The following KDM3A variants were observed in gnomAD, a reference collection of about 807,000 sequenced individuals.
The protein encoded by KDM3A is lysine-specific demethylase 3A.
KDM3A carries 60 observed loss-of-function variants against 158.0 expected under a neutral mutation model. The observed-to-expected ratio is 0.38, with a 90% CI of 0.31 to 0.47. The LOEUF is 0.47. Among genes scored for constraint, KDM3A ranks in the 20% least tolerant of loss-of-function variants. The pLI is 0.99. For missense variants in KDM3A, 1,319 were observed against 1,574.3 expected (o/e 0.84, Z 2.74); for synonymous variants, 608 against 549.3 (o/e 1.11, Z -1.49).
At chr2:86,454,968 G>A in intron 4 of KDM3A, 117 bp from the exon 5 acceptor site, 2 of 587,118 alleles carry the variant, frequency 3.4e-6, no homozygotes, top group Non-Finnish European at 5.9e-6. Flanking sequence ...GCTATCACAT[G>A]GTTTGTTGAC....
intron 11 of KDM3A, among the ~76,000 whole-genome samples, chr2:86,471,117 G>A (rs1673378942): frequency 6.6e-6 from 1 of 152,038 alleles, no homozygotes; most frequent in Admixed American, 6.5e-5. Context: ...CAACTGCAGG[G>A]TTTGAGCATG....
chr2:86,445,384 C>A (rs1450396601), intron 2 of KDM3A, among the ~76,000 whole-genome samples: 1 of 152,194 alleles, frequency 6.6e-6, no homozygotes, highest in African/African-American at 2.4e-5. Context: ...CCTGCTCTTT[C>A]TACTTGAGTA....
intron 8 of KDM3A, among the ~76,000 whole-genome samples, chr2:86,462,589 T>C (rs941085890): frequency 1.3e-5 from 2 of 152,114 alleles, no homozygotes; most frequent in Non-Finnish European, 2.9e-5. Flanking sequence ...TTAACCAAAA[T>C]TGAGTTGACT....
rs779619810 is a variant in KDM3A, at chr2:86,466,631, T to G, written c.1267T>G (p.Ser423Ala). The change falls in exon 10 of 26, where the codon TCT (serine) becomes GCT (alanine). Residue 423 changes from serine to alanine, a missense_variant. Transcript: ENST00000312912. ...LPKECLPTKA[S>A]SKAELEIANP... ...TAAGGAGTGCTTACCTACAAAGGCT[T>G]CTTCTAAGGCAGAATTGGAAATTGC... 2.9e-5 allele frequency: 46 copies of G among 1,613,854 alleles called. No homozygotes were observed. Among genetic ancestry groups the G allele is most frequent in the East Asian group, 1.8e-4 (8 of 44,890 alleles).
At chr2:86,477,796 A>T in intron 12 of KDM3A, 81 bp from the exon 13 acceptor site, 1 of 1,323,394 alleles carries the variant, frequency 7.6e-7, no homozygotes, top group Non-Finnish European at 1.0e-6. Flanking sequence ...ACAGGGAGGA[A>T]TGACAATAAC....
chr2:86,490,559 A>C (rs1336073169), intron 23 of KDM3A: 4 of 187,480 alleles, frequency 2.1e-5, no homozygotes, highest in Non-Finnish European at 4.4e-5. Flanking sequence ...AATAACTTTA[A>C]AACAAGTTCA....
chr2:86,469,263 C>G (rs1275757493), intron 10 of KDM3A, among the ~76,000 whole-genome samples: 1 of 152,122 alleles, frequency 6.6e-6, no homozygotes, highest in Non-Finnish European at 1.5e-5. Flanking sequence ...TTCCAATTTT[C>G]TCCAAGACTC....
intron 8 of KDM3A, among the ~76,000 whole-genome samples, chr2:86,463,290 A>G (rs566244447): frequency 1.3e-5 from 2 of 152,276 alleles, no homozygotes; most frequent in South Asian, 2.1e-4. Flanking sequence ...AGCCTGGTGA[A>G]ATGGGTGAAT....
intron 19 of KDM3A, 126 bp downstream of exon 19, chr2:86,484,284 G>T (rs1382919621): frequency 4.1e-6 from 3 of 730,314 alleles, no homozygotes; most frequent in Non-Finnish European, 6.8e-6. Flanking sequence ...TAAAATTAAC[G>T]TCTCTCCTCC....
intron 2 of KDM3A, chr2:86,443,104 T>G (rs181263235): frequency 1.3e-5 from 2 of 152,298 alleles, no homozygotes; most frequent in East Asian, 1.9e-4. Context: ...GACTCCTTTG[T>G]GCGAAAATAA....
At chr2:86,479,203 T>C (rs1673807170) in intron 15 of KDM3A, 1 of 153,898 alleles carries the variant, frequency 6.5e-6, no homozygotes, top group Non-Finnish European at 1.4e-5. Context: ...GTTAATTTTC[T>C]CAGTCCTCAT....
chr2:86,485,779 A>G lies in KDM3A; in HGVS notation c.3233A>G (p.Asp1078Gly). The G allele has an allele frequency of 6.2e-7, 1 of 1,614,144 alleles. No individual in the cohort carries two copies. The highest frequency in any genetic ancestry group is 8.5e-7 in the Non-Finnish European group (1 of 1,179,992). The stretch of plus-strand genomic sequence containing the variant: ...CCACTGCCCGAGTACACAAGGCGAG[A>G]TGGCAAACTGAATTTGGCCTCTAGG... ...NIPLPEYTRR[D>G]GKLNLASRLP... The change falls in exon 21 of 26, where the codon GAT (aspartate) becomes GGT (glycine). Residue 1078 changes from aspartate to glycine, a missense_variant. Coordinates refer to ENST00000312912, the MANE Select transcript of KDM3A (RefSeq NM_018433.6).
chr2:86,452,891 T>TA (rs1357152597), intron 4 of KDM3A, among the ~76,000 whole-genome samples: 2 of 152,202 alleles, frequency 1.3e-5, no homozygotes, highest in African/African-American at 4.8e-5. Context: ...TGCTTTCACT[T>TA]AGTTAATTTC....
chr2:86,489,039 T>A (rs1431346467), intron 21 of KDM3A: 2 of 335,260 alleles, frequency 6.0e-6, no homozygotes, highest in African/African-American at 4.3e-5. Flanking sequence ...AATCAAAGCC[T>A]GAGCTCACTT....
chr2:86,478,266 G>GT lies in KDM3A; in HGVS notation c.2188+2dup, dbSNP rs1673757402. The GT allele has an allele frequency of 3.8e-6, 6 of 1,596,988 alleles. No individual in the cohort carries two copies. The East Asian group carries it at 1.3e-4, about 36-fold the overall frequency. On this transcript the variant is annotated splice_donor_variant, in intron 14 of 25. Transcript: ENST00000312912. LOFTEE classifies it high-confidence loss of function. ...CCCACACAGATCATTCCTGGAAAAGGTATTTCATGTGCTGCAGTGATTTTC... is the reference window on the plus strand; with the variant it reads ...CCCACACAGATCATTCCTGGAAAAGGTTATTTCATGTGCTGCAGTGATTTTC...
At chr2:86,489,260 A>AC in intron 21 of KDM3A, 58 bp from the exon 22 acceptor site, 1 of 1,579,582 alleles carries the variant, frequency 6.3e-7, no homozygotes, top group African/African-American at 1.3e-5. Flanking sequence ...TAGGTAGTGG[A>AC]AAGACTGTGG....
chr2:86,453,119 TG>T (rs2104636316), intron 4 of KDM3A, among the ~76,000 whole-genome samples: 1 of 152,186 alleles, frequency 6.6e-6, no homozygotes, highest in Admixed American at 6.5e-5. Context: ...TTTTGTTTCT[TG>T]GGATTGAGAA....
In KDM3A at chr2:86,451,188, C is replaced by G. The variant is rs939315040; in HGVS notation, c.428C>G (p.Ser143Cys). Residue 143 changes from serine (S) to cysteine (C), a missense_variant, in exon 4 of 26, where the codon TCT becomes TGT. Transcript: ENST00000312912. ...GGAGATCAACAAAGAGTATTTCTTTCTAAAGACCTTTTGAAGCCTATACAG... is the reference window on the plus strand; with the variant it reads ...GGAGATCAACAAAGAGTATTTCTTTGTAAAGACCTTTTGAAGCCTATACAG... ...FLGDQQRVFLSKDLLKPIQDV... is the reference protein window; with the variant it reads ...FLGDQQRVFLCKDLLKPIQDV... The G allele has an allele frequency of 6.7e-5, 108 of 1,608,866 alleles. No homozygotes were observed. The highest frequency in any genetic ancestry group is 1.7e-4 in the Admixed American group (10 of 58,802).
At chr2:86,457,154 TAATTA>T in intron 8 of KDM3A, 83 bp downstream of exon 8, 1 of 496,328 alleles carries the variant, frequency 2.0e-6, no homozygotes, top group Non-Finnish European at 3.2e-6. Flanking sequence ...ATTATTTATT[TAATTA>T]TTTTTATTTT....
Sources: allele counts gnomAD v4.1 joint callset (sites outside exome capture counted in the v4.1 genomes callset), GRCh38; gene constraint gnomAD v4.1.1; transcripts MANE v1.5; gene names NCBI Gene and HGNC (gene_info 2026-07-23, HGNC 2026-07-21).